The following EPHA6 variants were observed in gnomAD, a reference collection of about 807,000 sequenced individuals.
The protein encoded by EPHA6 is EPH receptor A6.
A neutral mutation model predicts 112.0 loss-of-function variants in EPHA6; 50 were observed. The ratio of observed to expected loss-of-function variants is 0.45; its 90% CI spans 0.36 to 0.56. The LOEUF (loss-of-function observed/expected upper bound fraction) is 0.56. Among genes scored for constraint, EPHA6 ranks in the 20% least tolerant of loss-of-function variants. The pLI is 0.00. For missense variants in EPHA6, 1,280 were observed against 1,417.4 expected, an observed-to-expected ratio of 0.90 and a Z score of 1.56; for synonymous variants, 529 against 490.7, an observed-to-expected ratio of 1.08 and a Z score of -1.03.
chr3:97,586,836 C>A (rs2093494064), intron 11 of EPHA6, among the ~76,000 whole-genome samples: 1 of 152,198 alleles, frequency 6.6e-6, no homozygotes, highest in African/African-American at 2.4e-5. Context: ...ACTAGTTTAT[C>A]TTTGCGCTTT....
At chr3:96,955,990 C>T (rs2041742251) in intron 2 of EPHA6, among the ~76,000 whole-genome samples, 1 of 152,090 alleles carries the variant, frequency 6.6e-6, no homozygotes, top group Non-Finnish European at 1.5e-5. Context: ...CTTTTTTATA[C>T]TTATGTGAAT....
At chr3:97,070,664 C>G (rs1320914642) in intron 3 of EPHA6, among the ~76,000 whole-genome samples, 1 of 152,006 alleles carries the variant, frequency 6.6e-6, no homozygotes, top group African/African-American at 2.4e-5. Flanking sequence ...TCTGTGCATG[C>G]TAGGAGCACC....
intron 3 of EPHA6, among the ~76,000 whole-genome samples, chr3:97,131,617 C>G (rs1450122746): frequency 1.3e-5 from 2 of 152,028 alleles, no homozygotes; most frequent in East Asian, 3.9e-4. Context: ...TACACATGAC[C>G]TTATTTACAA....
chr3:97,718,159 A>C (rs1221108115), intron 14 of EPHA6, among the ~76,000 whole-genome samples: 1 of 152,242 alleles, frequency 6.6e-6, no homozygotes, highest in Non-Finnish European at 1.5e-5. Flanking sequence ...ATTGGAAACA[A>C]ACCTGAATCT....
chr3:97,463,883 T>C (rs2090970280), intron 7 of EPHA6, among the ~76,000 whole-genome samples: 1 of 152,122 alleles, frequency 6.6e-6, no homozygotes, highest in Non-Finnish European at 1.5e-5. Context: ...AATAATCTAA[T>C]AGGACCCTTT....
intron 3 of EPHA6, among the ~76,000 whole-genome samples, chr3:97,062,728 C>T (rs529887688): frequency 2.0e-5 from 3 of 152,286 alleles, no homozygotes; most frequent in South Asian, 2.1e-4. Flanking sequence ...TTCTCATTCT[C>T]TCTTGCCTGT....
chr3:97,401,714 T>C (rs1304319823), intron 5 of EPHA6, among the ~76,000 whole-genome samples: 1 of 151,872 alleles, frequency 6.6e-6, no homozygotes, highest in Non-Finnish European at 1.5e-5. Flanking sequence ...AGTTTTGGGC[T>C]TGATTTGTTC....
chr3:97,668,319 C>T (rs956227998), intron 14 of EPHA6, among the ~76,000 whole-genome samples: 2 of 152,052 alleles, frequency 1.3e-5, no homozygotes, highest in Non-Finnish European at 2.9e-5. Flanking sequence ...TATAGGGGAT[C>T]CTCAAACATC....
Position 97,028,856 on chromosome 3 carries a change from TC to T in EPHA6, c.1114+40864del, listed in dbSNP as rs557258987. On this transcript the variant is annotated intron_variant, in intron 3 of 17. Transcript: ENST00000389672. ...TGTCATTTGATAATTTTTGTTTAAT[TC>T]TTGATCTGTTAAATGTTTTTAAGTG... 1.2e-3 allele frequency among the ~76,000 whole-genome samples: 184 copies of T among 152,122 alleles called. 1 individual carries two copies. Among genetic ancestry groups the T allele is most frequent in the African/African-American group, 4.2e-3 (175 of 41,568 alleles).
At chr3:97,738,441 T>C (rs2035366128) in intron 16 of EPHA6, among the ~76,000 whole-genome samples, 2 of 152,132 alleles carry the variant, frequency 1.3e-5, no homozygotes, top group South Asian at 4.1e-4. Context: ...AGAAGCAGGA[T>C]GTAAAAACCT....
At chr3:97,277,476 A>G (rs962487324) in intron 5 of EPHA6, among the ~76,000 whole-genome samples, 10 of 152,140 alleles carry the variant, frequency 6.6e-5, no homozygotes, top group African/African-American at 2.4e-4. Context: ...TAGTTAAGGC[A>G]GGAACCCGCC....
intron 3 of EPHA6, among the ~76,000 whole-genome samples, chr3:97,057,054 CAG>C (rs1376128913): frequency 2.0e-5 from 3 of 152,082 alleles, no homozygotes; most frequent in Non-Finnish European, 4.4e-5. Flanking sequence ...AGATAAATTG[CAG>C]AGTTACATAA....
intron 1 of EPHA6, among the ~76,000 whole-genome samples, chr3:96,864,663 A>G (rs2107445374): frequency 6.6e-6 from 1 of 152,202 alleles, no homozygotes; most frequent in Admixed American, 6.6e-5. Flanking sequence ...ACAAAAATGT[A>G]CATTTAAAGA....
At chr3:97,484,187 G>A (rs1189059270) in intron 10 of EPHA6, 128 bp downstream of exon 10, 2 of 729,576 alleles carry the variant, frequency 2.7e-6, no homozygotes, top group Non-Finnish European at 4.0e-6. Context: ...GAAGTAAAGT[G>A]ATCTTGTATA....
chr3:97,278,631 C>T (rs1332199473), intron 5 of EPHA6, among the ~76,000 whole-genome samples: 2 of 152,174 alleles, frequency 1.3e-5, no homozygotes, highest in African/African-American at 4.8e-5. Context: ...GAAGTCTATA[C>T]ACTCTGTCCA....
intron 14 of EPHA6, among the ~76,000 whole-genome samples, chr3:97,702,475 TGAATTTTCTTA>T (rs1189614987): frequency 6.6e-6 from 1 of 152,206 alleles, no homozygotes; most frequent in Non-Finnish European, 1.5e-5. Flanking sequence ...TATGGAACTT[TGAATTTTCTTA>T]GAAACCTGAT....
intron 2 of EPHA6, among the ~76,000 whole-genome samples, chr3:96,905,748 A>G (rs1404551574): frequency 6.6e-6 from 1 of 152,004 alleles, no homozygotes; most frequent in East Asian, 1.9e-4. Context: ...AAGAGTGACA[A>G]TATCTGCAGA....
intron 3 of EPHA6, among the ~76,000 whole-genome samples, chr3:97,011,618 G>A (rs1326663983): frequency 6.6e-6 from 1 of 151,442 alleles, no homozygotes; most frequent in Non-Finnish European, 1.5e-5. Flanking sequence ...CACTAAAAAT[G>A]TATTTGTGAT....
chr3:97,120,917 T>C (rs986711175), intron 3 of EPHA6, among the ~76,000 whole-genome samples: 6 of 152,010 alleles, frequency 3.9e-5, no homozygotes, highest in Non-Finnish European at 8.8e-5. Flanking sequence ...AAAAAACATT[T>C]AATATATGAA....
Sources: gnomAD v4.1 joint callset for allele counts (sites outside exome capture counted in the v4.1 genomes callset) on GRCh38, gnomAD v4.1.1 for gene constraint, MANE v1.5 for transcripts, NCBI Gene and HGNC (gene_info 2026-07-23, HGNC 2026-07-21) for gene names.